The following BRINP1 variants were observed in gnomAD, a reference collection of about 807,000 sequenced individuals.
BRINP1 encodes BMP/retinoic acid-inducible neural-specific protein 1.
Under a neutral mutation model 72.9 loss-of-function variants are expected in BRINP1, and 17 were observed. That is an observed-to-expected ratio of 0.23 (90% CI 0.16 to 0.35). The LOEUF is 0.35. BRINP1 is among the 10% of genes least tolerant of loss of function. The pLI is 1.00. For synonymous variants in BRINP1, 418 were observed against 378.5 expected, an observed-to-expected ratio of 1.10 and a Z score of -1.21; for missense variants, 850 against 1,001.6, an observed-to-expected ratio of 0.85 and a Z score of 2.04.
chr9:119,246,558 A>G (rs1830319014), intron 3 of BRINP1, among the ~76,000 whole-genome samples: 1 of 152,154 alleles, frequency 6.6e-6, no homozygotes, highest in Non-Finnish European at 1.5e-5. Flanking sequence ...CCTGAATAAA[A>G]TCCCCTTTAT....
intron 5 of BRINP1, among the ~76,000 whole-genome samples, chr9:119,237,036 A>G (rs1830198541): frequency 6.6e-6 from 1 of 152,192 alleles, no homozygotes; most frequent in Non-Finnish European, 1.5e-5. Flanking sequence ...TAACGGGAGC[A>G]TGAATCAAAG....
chr9:119,168,530 T>C (rs1449101071), intron 7 of BRINP1, among the ~76,000 whole-genome samples: 2 of 124,998 alleles, frequency 1.6e-5, no homozygotes, highest in Non-Finnish European at 3.7e-5. Context: ...CATTATACAC[T>C]AGTCCCAGAA....
At chr9:119,204,290 T>C (rs1829830755) in intron 7 of BRINP1, among the ~76,000 whole-genome samples, 1 of 152,180 alleles carries the variant, frequency 6.6e-6, no homozygotes, top group African/African-American at 2.4e-5. Context: ...TAGTGTTGTT[T>C]TGAGCCACTA....
At chr9:119,344,747 A>G (rs1333624937) in intron 1 of BRINP1, among the ~76,000 whole-genome samples, 2 of 152,196 alleles carry the variant, frequency 1.3e-5, no homozygotes, top group Non-Finnish European at 2.9e-5. Flanking sequence ...CCACCTAAAT[A>G]TGCAAATAGC....
intron 2 of BRINP1, among the ~76,000 whole-genome samples, chr9:119,276,664 A>G (rs1206890571): frequency 6.6e-6 from 1 of 152,102 alleles, no homozygotes; most frequent in African/African-American, 2.4e-5. Context: ...CATGCTTCCC[A>G]CTATACTGGT....
chr9:119,272,375 G>A (rs1235230217), intron 2 of BRINP1, among the ~76,000 whole-genome samples: 1 of 152,144 alleles, frequency 6.6e-6, no homozygotes, highest in Non-Finnish European at 1.5e-5. Context: ...GAGCCACTGC[G>A]CCCGGCAGGA....
At chr9:119,203,510 C>T (rs1261562684) in intron 7 of BRINP1, among the ~76,000 whole-genome samples, 1 of 152,150 alleles carries the variant, frequency 6.6e-6, no homozygotes, top group African/African-American at 2.4e-5. Flanking sequence ...TGAGTGCTAT[C>T]CATGTTCTAC....
intron 2 of BRINP1, among the ~76,000 whole-genome samples, chr9:119,251,913 A>C (rs140985631): frequency 2.0e-5 from 3 of 152,256 alleles, no homozygotes; most frequent in Non-Finnish European, 4.4e-5. Context: ...TTTCAGTTAC[A>C]AAATTCTTCG....
intron 1 of BRINP1, among the ~76,000 whole-genome samples, chr9:119,349,215 G>A (rs1453217597): frequency 1.3e-5 from 2 of 152,166 alleles, no homozygotes; most frequent in African/African-American, 4.8e-5. Flanking sequence ...CCATTGTAAG[G>A]GAGAGTGTAA....
intron 7 of BRINP1, among the ~76,000 whole-genome samples, chr9:119,188,154 T>C (rs945137719): frequency 4.6e-5 from 7 of 151,730 alleles, no homozygotes; most frequent in East Asian, 1.9e-4. Context: ...TATTTAACGA[T>C]ATAATTGTTA....
chr9:119,189,143 C>T (rs1829657123), intron 7 of BRINP1, among the ~76,000 whole-genome samples: 1 of 151,762 alleles, frequency 6.6e-6, no homozygotes, highest in Non-Finnish European at 1.5e-5. Context: ...CTTATGTAAG[C>T]CTCACAGTAA....
intron 7 of BRINP1, among the ~76,000 whole-genome samples, chr9:119,193,799 T>TA (rs1329707341): frequency 6.6e-6 from 1 of 152,190 alleles, no homozygotes; most frequent in Non-Finnish European, 1.5e-5. Context: ...ATTTCTCCCG[T>TA]AAAGACAACA....
rs144928273 is a variant in BRINP1, at chr9:119,273,840, G to A, written c.219-24690C>T. On this transcript the variant is annotated intron_variant, in intron 2 of 7. Coordinates refer to ENST00000265922, the MANE Select transcript of BRINP1 (RefSeq NM_014618.3). ...AAAGTATCAGGTTCAGAGAGGTTAT[G>A]TTCCTTGTCCACGTTCACCCAGCTA... is the stretch of plus-strand genomic sequence containing the variant. Among the ~76,000 whole-genome samples, 6 of 152,302 alleles carry A rather than the reference G, an allele frequency of 3.9e-5. No homozygotes were observed. In the East Asian group the frequency reaches 1.2e-3, roughly 29 times the overall value.
chr9:119,346,696 A>T (rs560714239), intron 1 of BRINP1, among the ~76,000 whole-genome samples: 1 of 152,228 alleles, frequency 6.6e-6, no homozygotes, highest in South Asian at 2.1e-4. Context: ...TCTGACAGTG[A>T]CATTCACAAA....
chr9:119,243,869 T>G (rs978596342), intron 3 of BRINP1, among the ~76,000 whole-genome samples: 1 of 152,114 alleles, frequency 6.6e-6, no homozygotes, highest in Non-Finnish European at 1.5e-5. Flanking sequence ...ACCAGGTGAA[T>G]AGCCAAGGTA....
chr9:119,314,658 C>T (rs1177552839), intron 1 of BRINP1, among the ~76,000 whole-genome samples: 1 of 152,224 alleles, frequency 6.6e-6, no homozygotes, highest in African/African-American at 2.4e-5. Context: ...CCCCACCCTA[C>T]TTATTCTAAC....
chr9:119,338,814 G>A (rs532983983), intron 1 of BRINP1, among the ~76,000 whole-genome samples: 115 of 151,058 alleles, frequency 7.6e-4, no homozygotes, highest in African/African-American at 2.8e-3. Context: ...GAACCCAGGA[G>A]GCGGAGCTTG....
intron 1 of BRINP1, among the ~76,000 whole-genome samples, chr9:119,324,091 C>A (rs1831214909): frequency 6.6e-6 from 1 of 152,064 alleles, no homozygotes; most frequent in Non-Finnish European, 1.5e-5. Flanking sequence ...TCTGATCTTG[C>A]CCTATGAATC....
intron 6 of BRINP1, among the ~76,000 whole-genome samples, chr9:119,212,412 T>A (rs1829938141): frequency 6.6e-6 from 1 of 152,222 alleles, no homozygotes; most frequent in African/African-American, 2.4e-5. Flanking sequence ...AAACATGTCT[T>A]CTCATTTATC....
Sources: allele counts gnomAD v4.1 joint callset (sites outside exome capture counted in the v4.1 genomes callset), GRCh38; gene constraint gnomAD v4.1.1; transcripts MANE v1.5; gene names NCBI Gene and HGNC (gene_info 2026-07-23, HGNC 2026-07-21).